The following CFAP99 variants were observed in gnomAD, a reference collection of about 807,000 sequenced individuals.
CFAP99 encodes cilia- and flagella-associated protein 99.
In CFAP99, 84 loss-of-function variants were observed where a neutral mutation model predicts 82.7. That is an observed-to-expected ratio of 1.02 (90% confidence interval 0.85 to 1.22). The LOEUF is 1.22. Ranked by LOEUF, CFAP99 falls within the 50% of genes most tolerant of loss-of-function variation. The probability of loss-of-function intolerance (pLI) is 0.00; values close to 1 mark genes in which losing one functional copy is unlikely to be tolerated. For missense variants in CFAP99, 1,059 were observed against 983.5 expected, an observed-to-expected ratio of 1.08 and a Z score of -1.03; for synonymous variants, 456 against 429.5, an observed-to-expected ratio of 1.06 and a Z score of -0.76.
In CFAP99 at chr4:2,443,265, G is replaced by A. The variant is rs1477430565; in HGVS notation, c.464+23G>A. The A allele has an allele frequency of 6.1e-6, 9 of 1,475,144 alleles. No homozygotes were observed. In the Admixed American group the frequency reaches 1.4e-4, roughly 23 times the overall value. 91.4% of individuals were successfully genotyped at this position (1,475,144 alleles called of 1,614,324 possible). A position where few individuals can be genotyped will look rare whatever the true frequency, so the allele number is the denominator to read the frequency against. On this transcript the variant is annotated intron_variant, in intron 5 of 14. Transcript: ENST00000635017. ...GAGGTAGGCTGGATGGGGGGCTCTG[G>A]GGGCCCTGAATGGCATCTGCACCCC...
chr4:2,431,143 T>A (rs1333805007), intron 2 of CFAP99, among the ~76,000 whole-genome samples: 5 of 151,562 alleles, frequency 3.3e-5, no homozygotes, highest in African/African-American at 7.3e-5. Flanking sequence ...CCGGGGCAGG[T>A]GGATCACGAG....
intron 14 of CFAP99, among the ~76,000 whole-genome samples, chr4:2,461,550 C>T (rs1362926103): frequency 6.6e-6 from 1 of 152,182 alleles, no homozygotes; most frequent in Non-Finnish European, 1.5e-5. Flanking sequence ...CTGGACAGCT[C>T]ATCACTTCCA....
chr4:2,426,691 A>C (rs532730484), intron 2 of CFAP99, 105 bp downstream of exon 2: 6 of 734,832 alleles, frequency 8.2e-6, no homozygotes, highest in South Asian at 6.1e-5. Context: ...CCTTCCTTCC[A>C]CATGGGGAGA....
chr4:2,431,567 G>A (rs895749849), intron 2 of CFAP99, among the ~76,000 whole-genome samples: 2 of 152,104 alleles, frequency 1.3e-5, no homozygotes, highest in Non-Finnish European at 2.9e-5. Flanking sequence ...TTCTTGCTAT[G>A]AGAGTAATTG....
intron 8 of CFAP99, among the ~76,000 whole-genome samples, 161 bp from the exon 9 acceptor site, chr4:2,450,786 C>A (rs1734282188): frequency 6.6e-6 from 1 of 152,138 alleles, no homozygotes; most frequent in Non-Finnish European, 1.5e-5. Context: ...AAGATAGAGA[C>A]CCTGACCTGG....
intron 2 of CFAP99, among the ~76,000 whole-genome samples, chr4:2,435,298 G>GAAAAAAAAAAAAAAAA (rs397778115): frequency 1.8e-5 from 1 of 55,304 alleles, no homozygotes; most frequent in Non-Finnish European, 4.5e-5. Context: ...CTCCATCTCA[G>GAAAAAAAAAAAAAAAA]AAAAAAAAAA....
chr4:2,423,881 A>G (rs1180387629), intron 1 of CFAP99, among the ~76,000 whole-genome samples: 3 of 115,496 alleles, frequency 2.6e-5, no homozygotes, highest in Non-Finnish European at 5.6e-5. Flanking sequence ...GTCTCCAGAC[A>G]TGGGGTGGGG....
chr4:2,444,058 G>A (rs1734108181), intron 5 of CFAP99, among the ~76,000 whole-genome samples: 2 of 152,306 alleles, frequency 1.3e-5, no homozygotes, highest in South Asian at 4.1e-4. Flanking sequence ...AGGGGAGATG[G>A]AAGCCGTTCC....
intron 3 of CFAP99, among the ~76,000 whole-genome samples, chr4:2,437,646 C>T (rs373766537): frequency 6.6e-6 from 1 of 152,204 alleles, no homozygotes; most frequent in Non-Finnish European, 1.5e-5. Context: ...CCTTGCCACC[C>T]AGCTGGAGCC....
chr4:2,445,525 C>G (rs1734145355), intron 6 of CFAP99, among the ~76,000 whole-genome samples: 1 of 152,176 alleles, frequency 6.6e-6, no homozygotes, highest in Non-Finnish European at 1.5e-5. Context: ...TTCCCACACT[C>G]TACCCACTGT....
chr4:2,459,886 C>G, intron 13 of CFAP99, 151 bp from the exon 14 acceptor site: 2 of 692,454 alleles, frequency 2.9e-6, no homozygotes, highest in Non-Finnish European at 5.0e-6. Context: ...GGAGCCCAGG[C>G]TGGAGAGGCT....
intron 11 of CFAP99, among the ~76,000 whole-genome samples, chr4:2,453,219 G>A (rs1177218693): frequency 2.0e-5 from 3 of 151,958 alleles, no homozygotes; most frequent in East Asian, 1.9e-4. Context: ...CCCGTCTTTC[G>A]AAGCAAATAA....
intron 8 of CFAP99, 150 bp downstream of exon 8, chr4:2,450,155 G>A (rs1407574124): frequency 1.3e-6 from 1 of 797,280 alleles, no homozygotes; most frequent in African/African-American, 1.7e-5. Context: ...CACTGGGAAA[G>A]TGTGCCTTGA....
Position 2,459,100 on chromosome 4 carries a change from C to A in CFAP99, c.1304-7C>A. ...CAGCCACCTCAGCTCCTGGCTTGGC[C>A]CCCAAGTTCAGGAGGCGATCGAGGA... On this transcript the variant is annotated splice_polypyrimidine_tract_variant and splice_region_variant and intron_variant, in intron 12 of 14. Coordinates refer to ENST00000635017, the Ensembl canonical transcript of CFAP99. 1 of 1,505,128 alleles carries A rather than the reference C, an allele frequency of 6.6e-7. No individual in the cohort carries two copies. The highest frequency in any genetic ancestry group is 8.9e-7 in the Non-Finnish European group (1 of 1,129,860). The allele number at this position is 1,505,128 out of a possible 1,614,324, so 93.2% of individuals were successfully genotyped here. A position where few individuals can be genotyped will look rare whatever the true frequency, so the allele number is the denominator to read the frequency against.
At chr4:2,454,581 C>CTTTT (rs200727697) in intron 11 of CFAP99, among the ~76,000 whole-genome samples, 3 of 94,718 alleles carry the variant, frequency 3.2e-5, no homozygotes, top group Non-Finnish European at 4.2e-5. Flanking sequence ...TGTTTTTTTT[C>CTTTT]TTTTTTTTTT....
rs1336185222 is a variant in CFAP99, at chr4:2,446,400, T to G, written c.642+1092T>G. Reference sequence around the variant, plus strand: ...TTATTATTATTATTATTATTATTATTATTATTATTTGAGACAGAGTCTCGC... The same window carrying G: ...TTATTATTATTATTATTATTATTATGATTATTATTTGAGACAGAGTCTCGC... On this transcript the variant is annotated intron_variant, in intron 6 of 14. Transcript: ENST00000635017. The surrounding 1 kb of genome is among the most constrained non-coding windows in gnomAD (Gnocchi z 5.0). Among the ~76,000 whole-genome samples the G allele has an allele frequency of 5.4e-5, 4 of 73,596 alleles. No homozygotes were observed. Among genetic ancestry groups the G allele is most frequent in the African/African-American group, 2.1e-4 (4 of 19,502 alleles). 48.3% of individuals were successfully genotyped at this position (73,596 alleles called of 152,430 possible).
chr4:2,453,275 A>G (rs1036154670), intron 11 of CFAP99, among the ~76,000 whole-genome samples: 7 of 152,166 alleles, frequency 4.6e-5, no homozygotes, highest in Non-Finnish European at 7.3e-5. Flanking sequence ...TTGTTACATA[A>G]AAGGTCACAC....
chr4:2,438,057 C>A lies in CFAP99; in HGVS notation c.257-13C>A, dbSNP rs765229452. 1 of 1,499,566 alleles carries A rather than the reference C, an allele frequency of 6.7e-7. No homozygotes were observed. Among genetic ancestry groups the A allele is most frequent in the Non-Finnish European group, 9.0e-7 (1 of 1,114,110 alleles). The allele number at this position is 1,499,566 out of a possible 1,614,324, so 92.9% of individuals were successfully genotyped here. ...GACGTCCCTTAGCCTCTGACAGACC[C>A]CCTGTTTTCTAGTGATCTGCTACCT... On this transcript the variant is annotated splice_polypyrimidine_tract_variant and intron_variant, in intron 3 of 14. Transcript: ENST00000635017.
intron 9 of CFAP99, 40 bp downstream of exon 9, chr4:2,451,058 G>C: frequency 1.3e-6 from 2 of 1,513,510 alleles, no homozygotes; most frequent in Non-Finnish European, 1.8e-6. Flanking sequence ...CTCTCCCTGG[G>C]CACCCACCCC....
Sources: gnomAD v4.1 joint callset for allele counts (sites outside exome capture counted in the v4.1 genomes callset) on GRCh38, gnomAD v4.1.1 for gene constraint, Gnocchi (gnomAD v3.1) non-coding constraint, MANE v1.5 for transcripts, NCBI Gene and HGNC (gene_info 2026-07-23, HGNC 2026-07-21) for gene names.